The following DYSF variants were observed in gnomAD, a reference collection of about 807,000 sequenced individuals.
DYSF encodes the protein dysferlin.
DYSF carries 212 observed loss-of-function variants against 274.9 expected under a neutral mutation model. The ratio of observed to expected loss-of-function variants is 0.77; its 90% CI spans 0.69 to 0.86. The LOEUF is 0.86. Among genes scored for constraint, DYSF ranks in the 40% least tolerant of loss-of-function variants. DYSF has a pLI of 0.00. For synonymous variants in DYSF, 1,091 were observed against 1,078.7 expected (o/e 1.01, Z -0.22); for missense variants, 2,666 against 2,783.2 (o/e 0.96, Z 0.95).
At chr2:71,570,906 A>T in intron 29 of DYSF, 165 bp downstream of exon 29, 1 of 980,710 alleles carries the variant, frequency 1.0e-6, no homozygotes. Flanking sequence ...GCATACCCAA[A>T]GATCACACCC....
intron 47 of DYSF, among the ~76,000 whole-genome samples, chr2:71,666,505 A>G (rs994291712): frequency 1.3e-5 from 2 of 152,250 alleles, no homozygotes; most frequent in Non-Finnish European, 2.9e-5. Flanking sequence ...ACCTGGGTAC[A>G]TGTACAGATG....
chr2:71,622,126 C>CTTTTTTTTTT (rs1558651607), intron 41 of DYSF, among the ~76,000 whole-genome samples: 24 of 38,710 alleles, frequency 6.2e-4, no homozygotes, highest in African/African-American at 1.5e-3. Flanking sequence ...CAGATGATTT[C>CTTTTTTTTTT]TTTGTTTTTT....
chr2:71,504,647 C>T lies in DYSF; in HGVS notation c.345+1328C>T, dbSNP rs1272409862. ...TATCAAGGCAGCTGGCGAGAGAAAGCCTTGGGGTCAGGCTTGGTTCTCACT... is the reference window on the plus strand; with the variant it reads ...TATCAAGGCAGCTGGCGAGAGAAAGTCTTGGGGTCAGGCTTGGTTCTCACT... On this transcript the variant is annotated intron_variant, in intron 4 of 55. Transcript: ENST00000410020. Among the ~76,000 whole-genome samples the T allele has an allele frequency of 3.3e-5, 5 of 152,166 alleles. No individual in the cohort carries two copies. In the East Asian group the frequency reaches 9.7e-4, roughly 29 times the overall value.
chr2:71,553,804 CA>C lies in DYSF; in HGVS notation c.1985-2del, dbSNP rs774047700. ...AGCGCTCAGGCCCGTCTCTCCATTC[CA>C]GGGTGCCACTACTACTACCTACCCT... is the stretch of plus-strand genomic sequence containing the variant. On this transcript the variant is annotated splice_acceptor_variant, in intron 20 of 55. Transcript: ENST00000410020. LOFTEE classifies it high-confidence loss of function. The C allele has an allele frequency of 5.7e-6, 8 of 1,397,192 alleles. No individual in the cohort carries two copies. Among genetic ancestry groups the C allele is most frequent in the Non-Finnish European group, 7.7e-6 (8 of 1,042,616 alleles). The allele number at this position is 1,397,192 out of a possible 1,614,324, so 86.5% of individuals were successfully genotyped here.
chr2:71,560,079 CT>C (rs2091623917), intron 22 of DYSF, among the ~76,000 whole-genome samples: 2 of 152,200 alleles, frequency 1.3e-5, no homozygotes, highest in South Asian at 4.1e-4. Flanking sequence ...GGGCCCCTGG[CT>C]TTGCTTAGGG....
At chr2:71,537,528 G>C (rs1250357833) in intron 16 of DYSF, among the ~76,000 whole-genome samples, 2 of 152,108 alleles carry the variant, frequency 1.3e-5, no homozygotes, top group Admixed American at 1.3e-4. Context: ...TTATGGGCGT[G>C]AGCCACCGCA....
At chr2:71,569,007 G>A (rs2092278370) in intron 26 of DYSF, among the ~76,000 whole-genome samples, 1 of 152,088 alleles carries the variant, frequency 6.6e-6, no homozygotes, top group Non-Finnish European at 1.5e-5. Flanking sequence ...TGAGTAGCTG[G>A]GACTACAGCT....
At chr2:71,537,910 T>A (rs2089550889) in intron 16 of DYSF, among the ~76,000 whole-genome samples, 1 of 152,048 alleles carries the variant, frequency 6.6e-6, no homozygotes, top group Non-Finnish European at 1.5e-5. Context: ...AGGAGATGGG[T>A]CCTGCCCAGC....
upstream of DYSF, among the ~76,000 whole-genome samples, chr2:71,466,396 G>A (rs1236757347): frequency 6.6e-6 from 1 of 152,162 alleles, no homozygotes; most frequent in Non-Finnish European, 1.5e-5. Context: ...GCACCGGTGC[G>A]CACCGGGCCC....
At chr2:71,641,178 A>ATTTTTT (rs10683765) in intron 41 of DYSF, among the ~76,000 whole-genome samples, 4,121 of 124,356 alleles carry the variant, frequency 0.033, 331 homozygotes, top group African/African-American at 0.13. Flanking sequence ...ATGTTTATCT[A>ATTTTTT]TTTTTTTTTT....
intron 13 of DYSF, 72 bp downstream of exon 13, chr2:71,526,418 T>TGGGGGGGGGTG: frequency 3.8e-6 from 1 of 261,506 alleles, no homozygotes; most frequent in Non-Finnish European, 7.0e-6. Context: ...GGGTGGGCGA[T>TGGGGGGGGGTG]GGCGGGCGGG....
intron 29 of DYSF, among the ~76,000 whole-genome samples, chr2:71,572,208 C>G (rs1486497938): frequency 7.5e-6 from 1 of 132,668 alleles, no homozygotes; most frequent in Non-Finnish European, 1.6e-5. Context: ...TCCAGCACAC[C>G]CAGCACAGAT....
chr2:71,618,598 AGAGGTGGTGGGT>A, intron 40 of DYSF, among the ~76,000 whole-genome samples: 1 of 47,328 alleles, frequency 2.1e-5, no homozygotes, highest in Admixed American at 2.4e-4. Flanking sequence ...TGTGTGTGGT[AGAGGTGGTGGGT>A]GTGGTAGAGG....
chr2:71,598,427 C>A, intron 32 of DYSF, 137 bp from the exon 33 acceptor site: 2 of 1,063,730 alleles, frequency 1.9e-6, no homozygotes, highest in Non-Finnish European at 2.8e-6. Flanking sequence ...GAAGATGCAT[C>A]CCAGCATGAA....
intron 1 of DYSF, among the ~76,000 whole-genome samples, chr2:71,456,648 A>G (rs528665966): frequency 6.6e-6 from 1 of 152,298 alleles, no homozygotes; most frequent in East Asian, 1.9e-4. Flanking sequence ...GCATGTATAC[A>G]TTCATTGCAA....
intron 41 of DYSF, among the ~76,000 whole-genome samples, chr2:71,629,986 G>T (rs1281236504): frequency 6.6e-6 from 1 of 152,088 alleles, no homozygotes; most frequent in Non-Finnish European, 1.5e-5. Context: ...GTTTTCTTCT[G>T]CTTTTTACTC....
At chr2:71,610,432 G>C (rs1252414852) in intron 36 of DYSF, among the ~76,000 whole-genome samples, 1 of 152,232 alleles carries the variant, frequency 6.6e-6, no homozygotes, top group Non-Finnish European at 1.5e-5. Context: ...ACTCACACCT[G>C]TGTTCCTAAC....
intron 1 of DYSF, among the ~76,000 whole-genome samples, chr2:71,471,830 G>A (rs1165536474): frequency 2.0e-5 from 3 of 152,118 alleles, no homozygotes; most frequent in African/African-American, 7.2e-5. Context: ...GCCAGGCATG[G>A]TGGTGTGTGC....
chr2:71,454,463 C>G (rs867620829), intron 1 of DYSF, among the ~76,000 whole-genome samples: 1 of 152,162 alleles, frequency 6.6e-6, no homozygotes, highest in Non-Finnish European at 1.5e-5. Context: ...AGGTCTGGTC[C>G]CAGGCCTATT....
Sources: gnomAD v4.1 joint callset for allele counts (sites outside exome capture counted in the v4.1 genomes callset) on GRCh38, gnomAD v4.1.1 for gene constraint, MANE v1.5 for transcripts, NCBI Gene and HGNC (gene_info 2026-07-23, HGNC 2026-07-21) for gene names.